LIPC: variants seen among roughly 807,000 people sequenced by gnomAD.
LIPC encodes the protein hepatic triacylglycerol lipase.
In LIPC, 44 loss-of-function variants were observed where a neutral mutation model predicts 50.7. The ratio of observed to expected loss-of-function variants is 0.87; its 90% CI spans 0.68 to 1.11. The LOEUF (loss-of-function observed/expected upper bound fraction) is 1.11, where lower values mean the gene tolerates loss of function less well. Ranked by LOEUF, LIPC falls within the 50% of genes most tolerant of loss-of-function variation. The probability of loss-of-function intolerance (pLI) is 0.00; values close to 1 mark genes in which losing one functional copy is unlikely to be tolerated. For missense variants in LIPC, 697 were observed against 648.2 expected (o/e 1.08, Z -0.82); for synonymous variants, 271 against 256.4 (o/e 1.06, Z -0.54).
At chr15:58,487,621 T>A (rs761794042) in intron 1 of LIPC, among the ~76,000 whole-genome samples, 11 of 152,250 alleles carry the variant, frequency 7.2e-5, no homozygotes, top group Non-Finnish European at 1.3e-4. Context: ...CCAAACAAGC[T>A]AATTATTGCA....
At chr15:58,520,133 T>TA (rs386383136) in intron 1 of LIPC, among the ~76,000 whole-genome samples, 2 of 150,506 alleles carry the variant, frequency 1.3e-5, no homozygotes, top group Non-Finnish European at 3.0e-5. Flanking sequence ...GTTTTTTTTT[T>TA]AATCTGTTAA....
intron 1 of LIPC, among the ~76,000 whole-genome samples, chr15:58,507,500 C>T (rs749678550): frequency 2.0e-5 from 3 of 152,188 alleles, no homozygotes; most frequent in African/African-American, 7.2e-5. Context: ...TTCTTTGAAT[C>T]AAGGATTCCC....
At chr15:58,530,244 G>A (rs771150143) in intron 1 of LIPC, among the ~76,000 whole-genome samples, 21 of 152,170 alleles carry the variant, frequency 1.4e-4, no homozygotes, top group Non-Finnish European at 2.4e-4. Flanking sequence ...GGCCATCTCC[G>A]GCCTGAAGGA....
At chr15:58,437,440 C>T (rs1481459488) in intron 1 of LIPC, among the ~76,000 whole-genome samples, 3 of 151,964 alleles carry the variant, frequency 2.0e-5, no homozygotes, top group Non-Finnish European at 4.4e-5. Context: ...TATGAAAACA[C>T]TGTAGACACA....
At chr15:58,500,906 A>T (rs1595901278) in intron 1 of LIPC, among the ~76,000 whole-genome samples, 1 of 151,850 alleles carries the variant, frequency 6.6e-6, no homozygotes, top group Admixed American at 6.6e-5. Context: ...AAACACAGGA[A>T]CCCCTACCCC....
chr15:58,566,218 A>G lies in LIPC; in HGVS notation c.1388+2495A>G, dbSNP rs1164849861. The G allele has an allele frequency of 4.1e-6, 4 of 985,270 alleles. No individual in the cohort carries two copies. In the African/African-American group the frequency reaches 7.0e-5, roughly 17 times the overall value. 61.0% of individuals were successfully genotyped at this position (985,270 alleles called of 1,614,324 possible). A position where few individuals can be genotyped will look rare whatever the true frequency, so the allele number is the denominator to read the frequency against. On this transcript the variant is annotated intron_variant, in intron 8 of 8. Transcript: ENST00000299022. Reference sequence around the variant, plus strand: ...TACACAACCCGGGAAGTGTAAGAAGAAAGTTCAGACCCGTACACTTGGGGC... The same window carrying G: ...TACACAACCCGGGAAGTGTAAGAAGGAAGTTCAGACCCGTACACTTGGGGC...
intron 1 of LIPC, among the ~76,000 whole-genome samples, chr15:58,464,989 G>C (rs768703971): frequency 6.6e-6 from 1 of 152,002 alleles, no homozygotes; most frequent in South Asian, 2.1e-4. Flanking sequence ...GGGGAGCGAG[G>C]GGGGAGCCCA....
chr15:58,468,754 C>A (rs944346362), intron 1 of LIPC, among the ~76,000 whole-genome samples: 10 of 152,312 alleles, frequency 6.6e-5, no homozygotes, highest in Middle Eastern at 3.4e-3. Context: ...CCTGGACTGA[C>A]AACCACAGAA....
At chr15:58,500,257 C>T (rs1869142) in intron 1 of LIPC, among the ~76,000 whole-genome samples, 7,386 of 152,118 alleles carry the variant, frequency 0.049, 248 homozygotes, top group South Asian at 0.12. Context: ...TCAGTTTCCT[C>T]GTAGGTAAGG....
Position 58,542,527 on chromosome 15 carries a change from C to T in LIPC, c.457-7C>T. The T allele has an allele frequency of 6.3e-7, 1 of 1,588,666 alleles. No homozygotes were observed. On this transcript the variant is annotated splice_polypyrimidine_tract_variant and splice_region_variant and intron_variant, in intron 3 of 8. Transcript: ENST00000299022. The stretch of plus-strand genomic sequence containing the variant: ...TCTCCTGCCCCCATCCCGCTGCTGT[C>T]TTCCAGGAATCTGTGCAACTCTCTC...
intron 1 of LIPC, among the ~76,000 whole-genome samples, chr15:58,468,269 T>C (rs1397531706): frequency 4.6e-5 from 7 of 152,096 alleles, no homozygotes; most frequent in African/African-American, 1.7e-4. Flanking sequence ...TCTCTCTGCT[T>C]CCCCAGCAGC....
intron 1 of LIPC, among the ~76,000 whole-genome samples, chr15:58,488,699 A>G (rs1891462698): frequency 6.6e-6 from 1 of 152,168 alleles, no homozygotes; most frequent in Admixed American, 6.5e-5. Flanking sequence ...TTAGGAGTGA[A>G]GAAATCCCAG....
rs527922961 is a variant in LIPC, at chr15:58,525,781, T to A, written c.89-12552T>A. Reference sequence around the variant, plus strand: ...AACCTCAACATAAAGAGTTATCCTGTCTGATATTCTGTCTCCTCATGATCT... The same window carrying A: ...AACCTCAACATAAAGAGTTATCCTGACTGATATTCTGTCTCCTCATGATCT... On this transcript the variant is annotated intron_variant, in intron 1 of 8. Coordinates refer to ENST00000299022, the MANE Select transcript of LIPC (RefSeq NM_000236.3). 2.0e-5 allele frequency among the ~76,000 whole-genome samples: 3 copies of A among 152,352 alleles called. No homozygotes were observed. In the South Asian group the frequency reaches 6.2e-4, roughly 32 times the overall value.
At chr15:58,508,331 G>A (rs1353280704) in intron 1 of LIPC, among the ~76,000 whole-genome samples, 1 of 152,000 alleles carries the variant, frequency 6.6e-6, no homozygotes, top group Non-Finnish European at 1.5e-5. Flanking sequence ...CAGTTGCTGA[G>A]CCCCAACAAC....
chr15:58,496,817 A>G (rs1373550882), intron 1 of LIPC, among the ~76,000 whole-genome samples: 3 of 148,732 alleles, frequency 2.0e-5, no homozygotes, highest in Non-Finnish European at 4.4e-5. Flanking sequence ...CAATCTCTCC[A>G]GGGATTACAG....
At chr15:58,477,976 G>A (rs1487347025) in intron 1 of LIPC, among the ~76,000 whole-genome samples, 4 of 151,910 alleles carry the variant, frequency 2.6e-5, no homozygotes, top group African/African-American at 9.7e-5. Flanking sequence ...TCTCCAGCCA[G>A]GGGGACGTGC....
At chr15:58,468,267 C>A (rs924694666) in intron 1 of LIPC, among the ~76,000 whole-genome samples, 1 of 152,184 alleles carries the variant, frequency 6.6e-6, no homozygotes, top group Admixed American at 6.5e-5. Context: ...GCTCTCTCTG[C>A]TTCCCCAGCA....
At chr15:58,549,637 C>T (rs1893677212) in intron 6 of LIPC, among the ~76,000 whole-genome samples, 1 of 152,186 alleles carries the variant, frequency 6.6e-6, no homozygotes, top group Admixed American at 6.5e-5. Flanking sequence ...TCCCAGGCAG[C>T]TTATTTTTGA....
Position 58,548,362 on chromosome 15 carries a change from C to T in LIPC, c.841C>T (p.Arg281Ter), listed in dbSNP as rs1408986383. Residue 281 changes from arginine to a stop codon, truncating the protein, a stop_gained, in exon 6 of 9, where the codon CGA becomes TGA. Transcript: ENST00000299022. LOFTEE classifies it high-confidence loss of function. ...CCAGACCATAAAATGCTCCCACGAG[C>T]GATCGGTGCACCTTTTCATCGACTC... The part of the protein sequence containing the change: ...ITQTIKCSHE[R>*]SVHLFIDSLL... The T allele has an allele frequency of 5.0e-6, 8 of 1,614,024 alleles. No individual in the cohort carries two copies. Among genetic ancestry groups the T allele is most frequent in the South Asian group, 3.3e-5 (3 of 91,080 alleles).
Sources: allele counts gnomAD v4.1 joint callset (sites outside exome capture counted in the v4.1 genomes callset), GRCh38; gene constraint gnomAD v4.1.1; transcripts MANE v1.5; gene names NCBI Gene and HGNC (gene_info 2026-07-23, HGNC 2026-07-21).